The following KLHL32 variants were observed in gnomAD, a reference collection of about 807,000 sequenced individuals.
KLHL32 encodes the protein kelch-like protein 32.
KLHL32 carries 35 observed loss-of-function variants against 64.8 expected under a neutral mutation model. The ratio of observed to expected loss-of-function variants is 0.54; its 90% CI spans 0.41 to 0.72. The LOEUF (loss-of-function observed/expected upper bound fraction) is 0.72, where lower values mean the gene tolerates loss of function less well. Ranked by LOEUF, KLHL32 falls within the 30% of genes least tolerant of loss-of-function variation. The pLI, the probability that KLHL32 is intolerant of heterozygous loss-of-function variation, is 0.00. For synonymous variants in KLHL32, 259 were observed against 281.0 expected, an observed-to-expected ratio of 0.92 and a Z score of 0.78; for missense variants, 589 against 768.5, an observed-to-expected ratio of 0.77 and a Z score of 2.76.
intron 1 of KLHL32, among the ~76,000 whole-genome samples, chr6:96,928,773 T>A (rs1769486360): frequency 1.3e-5 from 2 of 152,218 alleles, no homozygotes; most frequent in South Asian, 4.1e-4. Flanking sequence ...TGGGAAAAGA[T>A]TCTGGCAAAT....
chr6:97,034,326 T>C (rs1391064790), intron 3 of KLHL32, among the ~76,000 whole-genome samples: 2 of 152,146 alleles, frequency 1.3e-5, no homozygotes, highest in African/African-American at 4.8e-5. Flanking sequence ...CAGTTTACCA[T>C]AGATGCATGG....
chr6:97,041,594 G>C lies in KLHL32; in HGVS notation c.307G>C (p.Gly103Arg). Residue 103 changes from glycine (G) to arginine (R), a missense_variant, in exon 4 of 11, where the codon GGA becomes CGA. Around this residue, in one of 3 missense-constraint regions of KLHL32, gnomAD observed 191 missense variants for 223.3 expected, o/e 0.86. Transcript: ENST00000369261. ...LKQALEFAYT[G>R]QILLEPGVIQ... ...GCAGGCTCTGGAGTTTGCATACACA[G>C]GACAGGTATGGTATTAAATGTGATC... is the stretch of plus-strand genomic sequence containing the variant. 19 of 1,587,470 alleles carry C rather than the reference G, an allele frequency of 1.2e-5. No homozygotes were observed. Among genetic ancestry groups the C allele is most frequent in the Non-Finnish European group, 1.6e-5 (19 of 1,155,630 alleles).
At chr6:97,001,746 A>G (rs1452424766) in intron 3 of KLHL32, among the ~76,000 whole-genome samples, 2 of 152,242 alleles carry the variant, frequency 1.3e-5, no homozygotes, top group African/African-American at 2.4e-5. Flanking sequence ...GTCATGGTCT[A>G]TTAGGTCTTA....
At chr6:96,986,960 C>T (rs1337057935) in intron 3 of KLHL32, among the ~76,000 whole-genome samples, 3 of 152,324 alleles carry the variant, frequency 2.0e-5, no homozygotes, top group South Asian at 4.1e-4. Context: ...TCTTCTGCAT[C>T]GCTCACGCTG....
chr6:96,979,272 A>G (rs1403807498), intron 3 of KLHL32, among the ~76,000 whole-genome samples: 1 of 152,130 alleles, frequency 6.6e-6, no homozygotes, highest in African/African-American at 2.4e-5. Flanking sequence ...TTATCATTTT[A>G]GGTTTTACAT....
intron 1 of KLHL32, among the ~76,000 whole-genome samples, chr6:96,944,407 A>T (rs1771697208): frequency 6.6e-6 from 1 of 152,188 alleles, no homozygotes; most frequent in South Asian, 2.1e-4. Context: ...GACCTACATA[A>T]TATGGTTCTA....
chr6:97,099,749 A>G (rs1038825279), intron 6 of KLHL32, among the ~76,000 whole-genome samples: 1 of 151,840 alleles, frequency 6.6e-6, no homozygotes, highest in Non-Finnish European at 1.5e-5. Flanking sequence ...GATTCCTTAC[A>G]TGCTTGATTT....
At chr6:97,064,066 A>G (rs1789328978) in intron 4 of KLHL32, among the ~76,000 whole-genome samples, 1 of 152,212 alleles carries the variant, frequency 6.6e-6, no homozygotes, top group African/African-American at 2.4e-5. Flanking sequence ...TTAAATAGAA[A>G]GGATAAGAGA....
chr6:96,933,567 T>G (rs1354682329), intron 1 of KLHL32, among the ~76,000 whole-genome samples: 1 of 152,202 alleles, frequency 6.6e-6, no homozygotes, highest in Non-Finnish European at 1.5e-5. Context: ...AGTTCTTAGA[T>G]GTGATTCATT....
chr6:97,077,024 C>G (rs1791706849), intron 5 of KLHL32, among the ~76,000 whole-genome samples: 1 of 152,134 alleles, frequency 6.6e-6, no homozygotes, highest in South Asian at 2.1e-4. Flanking sequence ...TAGGTAGCCA[C>G]TTTCTGAAGA....
chr6:96,942,783 G>T (rs527798002), intron 1 of KLHL32, among the ~76,000 whole-genome samples: 1 of 151,582 alleles, frequency 6.6e-6, no homozygotes, highest in Non-Finnish European at 1.5e-5. Flanking sequence ...CTTTCCCCAG[G>T]TTATTCTGAT....
chr6:96,962,538 A>T (rs1432952932), intron 1 of KLHL32, among the ~76,000 whole-genome samples: 1 of 152,208 alleles, frequency 6.6e-6, no homozygotes, highest in East Asian at 1.9e-4. Context: ...CATTCTTGGT[A>T]TTAAAAACAC....
chr6:96,967,855 T>G (rs1774639295), intron 2 of KLHL32, among the ~76,000 whole-genome samples: 1 of 152,166 alleles, frequency 6.6e-6, no homozygotes, highest in Non-Finnish European at 1.5e-5. Flanking sequence ...AAGGGGGGCA[T>G]GCCCTGAGGC....
Position 96,999,394 on chromosome 6 carries a change from T to TCAA in KLHL32, c.204+23233_204+23235dup, listed in dbSNP as rs564303813. 1.3e-4 allele frequency: 36 copies of TCAA among 273,490 alleles called. No homozygotes were observed. The East Asian group carries it at 2.5e-3, about 19-fold the overall frequency. 16.9% of individuals were successfully genotyped at this position (273,490 alleles called of 1,614,324 possible). On this transcript the variant is annotated intron_variant, in intron 3 of 10. Transcript: ENST00000369261. ...CTGATTGACAGAGTAAGACTCTGTC[T>TCAA]CAACAACAACAACAACAAAGAGTTA...
chr6:96,972,723 A>G (rs925763089), intron 2 of KLHL32, among the ~76,000 whole-genome samples: 5 of 152,226 alleles, frequency 3.3e-5, no homozygotes, highest in East Asian at 1.9e-4. Context: ...ATTGAGGGAC[A>G]TTGCTCTAAG....
rs550090375 is a variant in KLHL32, at chr6:96,968,391, C to A, written c.23+1308C>A. The stretch of plus-strand genomic sequence containing the variant: ...AAAAAACAAAAAACAAAAACAAAAA[C>A]AAAAAAAAAAACATCTAGCCCAAAA... On this transcript the variant is annotated intron_variant, in intron 2 of 10. Transcript: ENST00000369261. Among the ~76,000 whole-genome samples, 214 of 147,124 alleles carry A rather than the reference C, an allele frequency of 1.5e-3. 1 individual carries two copies. The highest frequency in any genetic ancestry group is 4.6e-3 in the African/African-American group (185 of 39,960).
the KLHL32 span, among the ~76,000 whole-genome samples, chr6:96,912,190 C>T: frequency 6.6e-6 from 1 of 152,088 alleles, no homozygotes; most frequent in African/African-American, 2.4e-5. Flanking sequence ...CTGGCAGCAT[C>T]CTCAACTCTT....
At chr6:96,960,228 A>G (rs1041677820) in intron 1 of KLHL32, among the ~76,000 whole-genome samples, 6 of 152,190 alleles carry the variant, frequency 3.9e-5, no homozygotes, top group Non-Finnish European at 5.9e-5. Flanking sequence ...ACACTGAGAA[A>G]GGCCTGCACT....
intron 3 of KLHL32, among the ~76,000 whole-genome samples, chr6:96,977,009 T>C (rs1158120216): frequency 6.6e-6 from 1 of 152,220 alleles, no homozygotes; most frequent in East Asian, 1.9e-4. Flanking sequence ...CACATCTTGT[T>C]TACCAGAGCT....
Sources: gnomAD v4.1 joint callset for allele counts (sites outside exome capture counted in the v4.1 genomes callset) on GRCh38, gnomAD v4.1.1 for gene constraint, gnomAD v4.1.1 regional missense constraint, MANE v1.5 for transcripts, NCBI Gene and HGNC (gene_info 2026-07-23, HGNC 2026-07-21) for gene names.